Variants in UPP2 observed in about 807,000 individuals in gnomAD.
UPP2 encodes UPase 2.
A neutral mutation model predicts 26.7 loss-of-function variants in UPP2; 23 were observed. The observed-to-expected ratio is 0.86, with a 90% CI of 0.62 to 1.22. The LOEUF (loss-of-function observed/expected upper bound fraction) is 1.22, where lower values mean the gene tolerates loss of function less well. Ranked by LOEUF, UPP2 falls within the 50% of genes most tolerant of loss-of-function variation. The pLI, the probability that UPP2 is intolerant of heterozygous loss-of-function variation, is 0.00. For missense variants in UPP2, 387 were observed against 396.7 expected, an observed-to-expected ratio of 0.98 and a Z score of 0.21; for synonymous variants, 127 against 141.3, an observed-to-expected ratio of 0.90 and a Z score of 0.72.
intron 5 of UPP2, 67 bp downstream of exon 5, chr2:158,121,685 A>G: frequency 1.5e-6 from 2 of 1,367,240 alleles, no homozygotes. Flanking sequence ...ATTCAAACCC[A>G]TAATTTATAT....
chr2:158,086,577 C>T lies in UPP2; in HGVS notation c.148-15463C>T, dbSNP rs540728079. ...GTTTCTATAGTTCCTTGAGGTGTGA[C>T]CTTAGATTGTCTATTTGTGGTCTTT... On this transcript the variant is annotated intron_variant, in intron 3 of 9. Coordinates refer to the UPP2 transcript ENST00000605860. Among the ~76,000 whole-genome samples, 3 of 151,842 alleles carry T rather than the reference C, an allele frequency of 2.0e-5. No homozygotes were observed. The East Asian group carries it at 5.8e-4, about 29-fold the overall frequency.
chr2:158,103,708 G>A (rs1262616467), intron 1 of UPP2, among the ~76,000 whole-genome samples: 2 of 152,196 alleles, frequency 1.3e-5, no homozygotes, highest in African/African-American at 4.8e-5. Context: ...ATGTGCATGT[G>A]AATCACACAG....
In UPP2 at chr2:158,002,205, T is replaced by C. The variant is rs578148095; in HGVS notation, c.61+6946T>C. On this transcript the variant is annotated intron_variant, in intron 2 of 9. Coordinates refer to the UPP2 transcript ENST00000605860. ...GGTAAAAACAGGTTGTTAGGAAATA[T>C]ACAGACAGATAAAAGTGAAGACAAA... Among the ~76,000 whole-genome samples, 12 of 152,118 alleles carry C rather than the reference T, an allele frequency of 7.9e-5. No homozygotes were observed. The South Asian group carries it at 1.2e-3, about 16-fold the overall frequency.
At chr2:158,015,495 A>G (rs1683643820) in intron 2 of UPP2, among the ~76,000 whole-genome samples, 1 of 152,204 alleles carries the variant, frequency 6.6e-6, no homozygotes, top group South Asian at 2.1e-4. Flanking sequence ...GTTGTTGGAT[A>G]TCTAGATTGC....
At chr2:158,106,008 C>A in intron 1 of UPP2, 91 bp from the exon 2 acceptor site, 1 of 931,158 alleles carries the variant, frequency 1.1e-6, no homozygotes, top group East Asian at 2.7e-5. Flanking sequence ...AATAATTTAA[C>A]CCTAAAGGAA....
At position 158,058,041 on chromosome 2, in the gene UPP2, C is replaced by T. The variant is rs543527197; in HGVS notation, c.147+42155C>T. Among the ~76,000 whole-genome samples, 93 of 152,160 alleles carry T rather than the reference C, an allele frequency of 6.1e-4. No individual in the cohort carries two copies. In the South Asian group the frequency reaches 0.012, roughly 19 times the overall value. On this transcript the variant is annotated intron_variant, in intron 3 of 9. Transcript: ENST00000605860. The stretch of plus-strand genomic sequence containing the variant: ...GGCGCAGTGGCTCACTCCTGTAATC[C>T]TAGCACTTTTGGGAGGCCAAGGCGG...
chr2:158,062,457 G>C (rs1016599663), intron 3 of UPP2, among the ~76,000 whole-genome samples: 2 of 152,120 alleles, frequency 1.3e-5, no homozygotes, highest in Non-Finnish European at 2.9e-5. Context: ...ATGTATCCAC[G>C]TGCAAGGTTT....
chr2:158,132,513 A>T (rs367995290), intron 6 of UPP2, among the ~76,000 whole-genome samples: 47 of 152,358 alleles, frequency 3.1e-4, no homozygotes, highest in African/African-American at 1.1e-3. Context: ...GAATAGCTGT[A>T]AAGGATTAAG....
chr2:158,110,959 C>A (rs970865239), intron 2 of UPP2, among the ~76,000 whole-genome samples: 1 of 152,106 alleles, frequency 6.6e-6, no homozygotes, highest in South Asian at 2.1e-4. Flanking sequence ...TCTGAGGTTG[C>A]CTGTTCACTC....
rs189921340 is a variant in UPP2 at position 158,069,089 on chromosome 2, G to A, written c.148-32951G>A. On this transcript the variant is annotated intron_variant, in intron 3 of 9. Coordinates refer to the UPP2 transcript ENST00000605860. ...GCCTCCCAAAGTGCTAGGATTACAG[G>A]CACGATCAAACTCAAAATTTTAAGG... Among the ~76,000 whole-genome samples, 470 of 151,828 alleles carry A rather than the reference G, an allele frequency of 3.1e-3. 4 individuals carry two copies. Among genetic ancestry groups the A allele is most frequent in the African/African-American group, 0.011 (451 of 41,424 alleles).
intron 4 of UPP2, among the ~76,000 whole-genome samples, chr2:158,118,855 TGAG>T (rs1455851912): frequency 6.6e-6 from 1 of 152,030 alleles, no homozygotes; most frequent in Non-Finnish European, 1.5e-5. Context: ...CCACCATGGC[TGAG>T]CCATGCTTCA....
At chr2:158,080,851 C>A (rs1333167960) in intron 3 of UPP2, among the ~76,000 whole-genome samples, 1 of 152,168 alleles carries the variant, frequency 6.6e-6, no homozygotes, top group African/African-American at 2.4e-5. Context: ...ATCCCCTGAC[C>A]TTCTCTCACC....
At chr2:158,008,886 T>C (rs1683533651) in intron 2 of UPP2, among the ~76,000 whole-genome samples, 1 of 152,208 alleles carries the variant, frequency 6.6e-6, no homozygotes, top group African/African-American at 2.4e-5. Context: ...TGAAAGAACA[T>C]TGAACCCCCA....
intron 5 of UPP2, among the ~76,000 whole-genome samples, chr2:158,123,354 C>CTT (rs34301784): frequency 1.8e-3 from 276 of 150,928 alleles, no homozygotes; most frequent in African/African-American, 3.8e-3. Context: ...ATCGAAACCT[C>CTT]TTTTTTTTTC....
At chr2:157,997,327 A>T (rs1008327676) in intron 2 of UPP2, among the ~76,000 whole-genome samples, 4 of 152,018 alleles carry the variant, frequency 2.6e-5, no homozygotes, top group African/African-American at 9.7e-5. Context: ...TTATAAGTTT[A>T]CCATTTTATA....
At chr2:158,125,774 G>T (rs1358431527) in intron 6 of UPP2, among the ~76,000 whole-genome samples, 1 of 152,122 alleles carries the variant, frequency 6.6e-6, no homozygotes, top group Non-Finnish European at 1.5e-5. Flanking sequence ...GAGAACAAGA[G>T]CATCTGCTTT....
chr2:158,126,748 CAG>C (rs1047565576), intron 6 of UPP2: 7 of 152,172 alleles, frequency 4.6e-5, no homozygotes, highest in African/African-American at 1.7e-4. Flanking sequence ...GCTGCTGAAA[CAG>C]AGGAAGTTAG....
chr2:158,094,518 A>C (rs1046293362), intron 3 of UPP2, among the ~76,000 whole-genome samples: 1 of 152,212 alleles, frequency 6.6e-6, no homozygotes, highest in Admixed American at 6.5e-5. Context: ...CATTTACAGA[A>C]ATGTCAATGT....
intron 3 of UPP2, among the ~76,000 whole-genome samples, chr2:158,082,392 A>G (rs772004714): frequency 3.9e-5 from 6 of 152,282 alleles, no homozygotes; most frequent in Non-Finnish European, 5.9e-5. Flanking sequence ...AGTCCATTGT[A>G]TGATTCTTAG....
Sources: allele counts gnomAD v4.1 joint callset (sites outside exome capture counted in the v4.1 genomes callset), GRCh38; gene constraint gnomAD v4.1.1; transcripts MANE v1.5; gene names NCBI Gene and HGNC (gene_info 2026-07-23, HGNC 2026-07-21).